Variants in STRA8 observed in about 807,000 individuals in gnomAD.
STRA8 encodes the protein stimulated by retinoic acid 8.
Under a neutral mutation model 37.1 loss-of-function variants are expected in STRA8, and 18 were observed. The ratio of observed to expected loss-of-function variants is 0.48; its 90% CI spans 0.34 to 0.72. STRA8 has a LOEUF of 0.72. Among genes scored for constraint, STRA8 ranks in the 30% least tolerant of loss-of-function variants. The pLI, the probability that STRA8 is intolerant of heterozygous loss-of-function variation, is 0.01. For missense variants in STRA8, 357 were observed against 410.4 expected (o/e 0.87, Z 1.13); for synonymous variants, 168 against 162.9 (o/e 1.03, Z -0.24).
At position 135,255,206 on chromosome 7, in the gene STRA8, C is replaced by G; in HGVS notation, c.1046C>G (p.Ala349Gly). 6.2e-7 allele frequency: 1 copy of G among 1,613,546 alleles called. No homozygotes were observed. Among genetic ancestry groups the G allele is most frequent in the Non-Finnish European group, 8.5e-7 (1 of 1,179,504 alleles). The change falls in exon 8 of 9, where the codon GCA becomes GGA. Residue 349 changes from alanine to glycine, a missense_variant. Physicochemically the swap from Ala to Gly is moderately conservative, Grantham distance 60. Coordinates refer to ENST00000662584, the MANE Select transcript of STRA8 (RefSeq NM_001394401.1). The stretch of plus-strand genomic sequence containing the variant: ...AACTTTTTTAAAGGCCTTAGCTGTG[C>G]AAACACTCAAGTAAAGCAGGTAGGA... ...IINFFKGLSC[A>G]NTQVKQEASF...
intron 1 of STRA8, among the ~76,000 whole-genome samples, chr7:135,235,371 C>T (rs916429882): frequency 5.4e-5 from 8 of 148,506 alleles, no homozygotes; most frequent in African/African-American, 1.5e-4. Context: ...GTGCTCCATA[C>T]CCCACTTCTA....
rs1246582080 is a variant in STRA8, at chr7:135,246,012, G to A, written c.594-405G>A. ...CAGAGGAGTTGGCTCAATAGCAGGA[G>A]GCTCTCTCCACAGCCGAGCCTGACT... is the stretch of plus-strand genomic sequence containing the variant. On this transcript the variant is annotated intron_variant, in intron 5 of 8. Coordinates refer to ENST00000662584, the MANE Select transcript of STRA8 (RefSeq NM_001394401.1). The surrounding 1 kb of genome is among the most constrained non-coding windows in gnomAD (Gnocchi z 5.4). The A allele has an allele frequency of 4.0e-6, 1 of 252,622 alleles. No homozygotes were observed. Among genetic ancestry groups the A allele is most frequent in the Non-Finnish European group, 7.7e-6 (1 of 129,780 alleles). 15.6% of individuals were successfully genotyped at this position (252,622 alleles called of 1,614,324 possible).
chr7:135,241,369 C>T (rs1416845614), intron 2 of STRA8, among the ~76,000 whole-genome samples: 1 of 152,186 alleles, frequency 6.6e-6, no homozygotes. Flanking sequence ...AGCACTGTGA[C>T]TCCAGCCCCC....
intron 1 of STRA8, among the ~76,000 whole-genome samples, chr7:135,236,192 G>A (rs1480273628): frequency 2.0e-5 from 3 of 151,810 alleles, no homozygotes; most frequent in Non-Finnish European, 4.4e-5. Flanking sequence ...AGGCTGACGC[G>A]GGAGGTTCAC....
chr7:135,258,060 A>G (rs1435436821), intron 8 of STRA8, among the ~76,000 whole-genome samples: 1 of 152,220 alleles, frequency 6.6e-6, no homozygotes, highest in African/African-American at 2.4e-5. Flanking sequence ...ATGGTGTTTC[A>G]TTGGTGGGAG....
At chr7:135,258,291 T>C in intron 8 of STRA8, 127 bp from the exon 9 acceptor site, 1 of 669,118 alleles carries the variant, frequency 1.5e-6, no homozygotes, top group South Asian at 2.2e-5. Context: ...GAGGTGAAAA[T>C]GCAGCGGAAG....
At chr7:135,250,440 C>A (rs1488235931) in intron 6 of STRA8, among the ~76,000 whole-genome samples, 1 of 152,062 alleles carries the variant, frequency 6.6e-6, no homozygotes, top group African/African-American at 2.4e-5. Flanking sequence ...TTTCCAGATC[C>A]TCTTTGAAAT....
At chr7:135,241,114 C>T (rs1832458514) in intron 2 of STRA8, among the ~76,000 whole-genome samples, 1 of 152,164 alleles carries the variant, frequency 6.6e-6, no homozygotes, top group East Asian at 1.9e-4. Flanking sequence ...TCTCAACATA[C>T]TAAATTTTGG....
intron 1 of STRA8, among the ~76,000 whole-genome samples, chr7:135,238,221 C>T (rs980128783): frequency 7.2e-5 from 11 of 152,166 alleles, no homozygotes; most frequent in African/African-American, 2.7e-4. Context: ...GTGTAAATTT[C>T]CCCCAGCTCC....
intron 1 of STRA8, among the ~76,000 whole-genome samples, chr7:135,239,512 C>T (rs529659687): frequency 8.5e-5 from 13 of 152,140 alleles, no homozygotes; most frequent in Non-Finnish European, 1.8e-4. Flanking sequence ...GTACTGAGCA[C>T]CTAATGGGGG....
intron 1 of STRA8, among the ~76,000 whole-genome samples, chr7:135,236,487 T>A (rs1832380526): frequency 6.6e-6 from 1 of 152,150 alleles, no homozygotes; most frequent in South Asian, 2.1e-4. Flanking sequence ...CAAACTACTA[T>A]CTCTGTACTG....
In STRA8 at chr7:135,240,533, C is replaced by A. The variant is rs1411154093; in HGVS notation, c.9C>A (p.Thr3=). 1 of 1,614,068 alleles carries A rather than the reference C, an allele frequency of 6.2e-7. No individual in the cohort carries two copies. The highest frequency in any genetic ancestry group is 1.1e-5 in the South Asian group (1 of 91,068). Residue 3 remains threonine, a synonymous_variant, in exon 2 of 9, where the codon ACC becomes ACA. Coordinates refer to ENST00000662584, the MANE Select transcript of STRA8 (RefSeq NM_001394401.1). ...TTACATTACAGCTTATAATGGCAAC[C>A]CCTGAAGAAAACAGCAATCCCCATG... MA[T]PEENSNPHDR...
chr7:135,246,190 G>A lies in STRA8; in HGVS notation c.594-227G>A. On this transcript the variant is annotated intron_variant, in intron 5 of 8. Transcript: ENST00000662584. This position sits in a 1 kb window ranked among gnomAD's most constrained non-coding sequence, Gnocchi z 5.4. ...GAAGGCTTCATGGGGCAGGGACTGG[G>A]AGAACTTGGGGAGGGGCCCCAAAGC... The A allele has an allele frequency of 1.7e-6, 1 of 595,178 alleles. No individual in the cohort carries two copies. The highest frequency in any genetic ancestry group is 2.8e-5 in the East Asian group (1 of 35,212). The allele number at this position is 595,178 out of a possible 1,614,324, so 36.9% of individuals were successfully genotyped here. A position where few individuals can be genotyped will look rare whatever the true frequency, so the allele number is the denominator to read the frequency against.
At chr7:135,240,886 C>G (rs145824355) in intron 2 of STRA8, among the ~76,000 whole-genome samples, 170 bp downstream of exon 2, 5 of 152,258 alleles carry the variant, frequency 3.3e-5, no homozygotes, top group East Asian at 1.9e-4. Context: ...GTTTATTGCT[C>G]CAGGTTCTGA....
intron 1 of STRA8, among the ~76,000 whole-genome samples, chr7:135,234,316 C>T (rs1047600239): frequency 6.6e-6 from 1 of 152,174 alleles, no homozygotes; most frequent in South Asian, 2.1e-4. Flanking sequence ...ACCGTGTTGG[C>T]TGGGCTGGTC....
Position 135,246,338 on chromosome 7 carries a change from G to C in STRA8, c.594-79G>C. 6.5e-7 allele frequency: 1 copy of C among 1,544,476 alleles called. No homozygotes were observed. Among genetic ancestry groups the C allele is most frequent in the Non-Finnish European group, 8.8e-7 (1 of 1,140,606 alleles). ...CGCCGTGGCCGGGCCTGCGTGCTGG[G>C]GTCCACACCATGAACCGAATCCCGA... On this transcript the variant is annotated intron_variant, in intron 5 of 8. Coordinates refer to ENST00000662584, the MANE Select transcript of STRA8 (RefSeq NM_001394401.1). This position sits in a 1 kb window ranked among gnomAD's most constrained non-coding sequence, Gnocchi z 5.4.
chr7:135,233,625 A>G (rs949520169), upstream of STRA8, among the ~76,000 whole-genome samples: 2 of 151,946 alleles, frequency 1.3e-5, no homozygotes, highest in African/African-American at 2.4e-5. Flanking sequence ...CTGCGAGGTG[A>G]GTCAGCCCCG....
chr7:135,247,834 T>G (rs1038225069), intron 6 of STRA8, among the ~76,000 whole-genome samples: 3 of 152,200 alleles, frequency 2.0e-5, no homozygotes, highest in Admixed American at 1.3e-4. Flanking sequence ...TGCACGGAGA[T>G]AAAAGTGGGC....
intron 7 of STRA8, among the ~76,000 whole-genome samples, chr7:135,252,809 A>G (rs1832654368): frequency 1.3e-5 from 2 of 152,150 alleles, no homozygotes; most frequent in Non-Finnish European, 2.9e-5. Flanking sequence ...ACAGTTCTGG[A>G]GGTTGGGGAG....
Sources: gnomAD v4.1 joint callset for allele counts (sites outside exome capture counted in the v4.1 genomes callset) on GRCh38, gnomAD v4.1.1 for gene constraint, Gnocchi (gnomAD v3.1) non-coding constraint, MANE v1.5 for transcripts, NCBI Gene and HGNC (gene_info 2026-07-23, HGNC 2026-07-21) for gene names.